Variants in ITGA9 observed in about 807,000 individuals in gnomAD.
ITGA9 encodes integrin alpha-9.
ITGA9 carries 56 observed loss-of-function variants against 127.8 expected under a neutral mutation model. The ratio of observed to expected loss-of-function variants is 0.44; its 90% CI spans 0.35 to 0.55. The LOEUF (loss-of-function observed/expected upper bound fraction) is 0.55, where lower values mean the gene tolerates loss of function less well. ITGA9 is among the 20% of genes least tolerant of loss of function. The pLI, the probability that ITGA9 is intolerant of heterozygous loss-of-function variation, is 0.00. For missense variants in ITGA9, 1,196 were observed against 1,347.1 expected (o/e 0.89, Z 1.76); for synonymous variants, 508 against 514.5 (o/e 0.99, Z 0.17).
chr3:37,538,777 G>A (rs904754470), intron 14 of ITGA9, among the ~76,000 whole-genome samples: 2 of 152,226 alleles, frequency 1.3e-5, no homozygotes, highest in African/African-American at 4.8e-5. Flanking sequence ...AGGGTCTCTC[G>A]TTGTGACTCT....
At chr3:37,754,572 G>A (rs1314845792) in intron 23 of ITGA9, among the ~76,000 whole-genome samples, 1 of 152,196 alleles carries the variant, frequency 6.6e-6, no homozygotes, top group Non-Finnish European at 1.5e-5. Context: ...ATGGGGCAGT[G>A]ATTCTAAAGA....
At chr3:37,536,092 G>A (rs1297189440) in intron 14 of ITGA9, among the ~76,000 whole-genome samples, 1 of 152,188 alleles carries the variant, frequency 6.6e-6, no homozygotes, top group South Asian at 2.1e-4. Context: ...TGGAAGGTCA[G>A]TCTTCAGATG....
At chr3:37,610,827 C>T (rs1266888008) in intron 15 of ITGA9, among the ~76,000 whole-genome samples, 1 of 152,132 alleles carries the variant, frequency 6.6e-6, no homozygotes, top group African/African-American at 2.4e-5. Flanking sequence ...TCACATTATC[C>T]AGTAAACCCA....
chr3:37,658,774 A>T (rs1168602982), intron 17 of ITGA9, among the ~76,000 whole-genome samples: 1 of 152,124 alleles, frequency 6.6e-6, no homozygotes, highest in African/African-American at 2.4e-5. Context: ...CAGCTTCTTC[A>T]TAGTGTTGAT....
At chr3:37,529,534 G>C (rs577189059) in intron 13 of ITGA9, among the ~76,000 whole-genome samples, 18 of 152,304 alleles carry the variant, frequency 1.2e-4, no homozygotes, top group Admixed American at 3.9e-4. Flanking sequence ...GGCTGCAAAG[G>C]AGCAAATGGG....
chr3:37,502,648 G>A (rs1282172399), intron 5 of ITGA9, among the ~76,000 whole-genome samples: 3 of 152,104 alleles, frequency 2.0e-5, no homozygotes, highest in Non-Finnish European at 2.9e-5. Context: ...TGTAATGATC[G>A]GAAAACCATG....
At chr3:37,693,952 C>A (rs1226839749) in intron 18 of ITGA9, among the ~76,000 whole-genome samples, 2 of 152,138 alleles carry the variant, frequency 1.3e-5, no homozygotes, top group Admixed American at 1.3e-4. Flanking sequence ...CTTGGCCTGG[C>A]CATTAAGATG....
chr3:37,514,194 A>G (rs1305600483), intron 9 of ITGA9, among the ~76,000 whole-genome samples: 3 of 152,202 alleles, frequency 2.0e-5, no homozygotes, highest in African/African-American at 4.8e-5. Flanking sequence ...TCTATGCAAT[A>G]TACACATGGT....
intron 18 of ITGA9, among the ~76,000 whole-genome samples, chr3:37,702,188 A>G (rs1427556440): frequency 6.6e-6 from 1 of 152,172 alleles, no homozygotes; most frequent in African/African-American, 2.4e-5. Flanking sequence ...GTCACCTACT[A>G]TAGCCTCACA....
At chr3:37,560,346 T>C (rs1415870311) in intron 15 of ITGA9, among the ~76,000 whole-genome samples, 1 of 152,238 alleles carries the variant, frequency 6.6e-6, no homozygotes, top group African/African-American at 2.4e-5. Flanking sequence ...TAATCCAGTC[T>C]ATCATTGATG....
chr3:37,766,635 C>T (rs1053893169), intron 23 of ITGA9, among the ~76,000 whole-genome samples: 6 of 152,164 alleles, frequency 3.9e-5, no homozygotes, highest in African/African-American at 1.2e-4. Context: ...TCATTCTTTA[C>T]CTTAAGATGG....
intron 15 of ITGA9, among the ~76,000 whole-genome samples, chr3:37,573,664 CGA>C (rs1259292956): frequency 1.3e-5 from 2 of 152,086 alleles, no homozygotes; most frequent in African/African-American, 4.8e-5. Context: ...GTGAGATTTC[CGA>C]GAGAGTGCGG....
intron 18 of ITGA9, among the ~76,000 whole-genome samples, chr3:37,699,172 C>G (rs1700919194): frequency 6.6e-6 from 1 of 152,168 alleles, no homozygotes; most frequent in Non-Finnish European, 1.5e-5. Context: ...TACGCATTCC[C>G]TGGATGAACT....
intron 19 of ITGA9, among the ~76,000 whole-genome samples, chr3:37,735,844 C>A (rs1291720417): frequency 1.3e-5 from 2 of 152,228 alleles, no homozygotes; most frequent in Non-Finnish European, 2.9e-5. Context: ...CACTGAACAA[C>A]ATTGACCCTA....
At chr3:37,627,979 A>C (rs907279859) in intron 15 of ITGA9, among the ~76,000 whole-genome samples, 1 of 151,996 alleles carries the variant, frequency 6.6e-6, no homozygotes, top group Admixed American at 6.6e-5. Flanking sequence ...GGTGGGAGCA[A>C]ATTCCTCCCC....
Position 37,818,967 on chromosome 3 carries a change from A to G in ITGA9, c.3086A>G (p.Asp1029Gly), listed in dbSNP as rs199777116. ...KNRKENEDSW[D>G]WVQKNQ ...CGGAAAGAGAATGAAGACAGTTGGG[A>G]CTGGGTCCAGAAAAACCAGTGAGCT... The change falls in exon 28 of 28, where the codon GAC (aspartate) becomes GGC (glycine). Residue 1029 changes from aspartate to glycine, a missense_variant. Coordinates refer to ENST00000264741, the MANE Select transcript of ITGA9 (RefSeq NM_002207.3). The G allele has an allele frequency of 8.7e-6, 14 of 1,613,742 alleles. No homozygotes were observed. The highest frequency in any genetic ancestry group is 1.2e-5 in the Non-Finnish European group (14 of 1,179,718).
chr3:37,688,747 T>G (rs2125665888), intron 18 of ITGA9, among the ~76,000 whole-genome samples: 1 of 152,288 alleles, frequency 6.6e-6, no homozygotes, highest in Non-Finnish European at 1.5e-5. Context: ...AATCTCAGCT[T>G]AGGGAGCCCG....
intron 9 of ITGA9, among the ~76,000 whole-genome samples, chr3:37,514,532 T>TGG (rs199732259): frequency 0.038 from 5,774 of 152,066 alleles, 121 homozygotes; most frequent in Non-Finnish European, 0.051. Flanking sequence ...CATTTCAGCA[T>TGG]GGGGGGGCAG....
At position 37,763,279 on chromosome 3, in the gene ITGA9, A is replaced by G. The variant is rs1696743104; in HGVS notation, c.2541+12710A>G. 2.6e-5 allele frequency among the ~76,000 whole-genome samples: 4 copies of G among 152,370 alleles called. No homozygotes were observed. The South Asian group carries it at 8.3e-4, about 32-fold the overall frequency. ...AATTTTAAACGGAGTGGTCAGGGAC[A>G]GTTTCACGGAGACCTTTATTCAGAA... On this transcript the variant is annotated intron_variant, in intron 23 of 27. Coordinates refer to ENST00000264741, the MANE Select transcript of ITGA9 (RefSeq NM_002207.3).
Sources: allele counts gnomAD v4.1 joint callset (sites outside exome capture counted in the v4.1 genomes callset), GRCh38; gene constraint gnomAD v4.1.1; transcripts MANE v1.5; gene names NCBI Gene and HGNC (gene_info 2026-07-23, HGNC 2026-07-21).